The following LMX1B variants were observed in gnomAD, a reference collection of about 807,000 sequenced individuals.
The protein encoded by LMX1B is LIM homeobox transcription factor 1-beta.
A neutral mutation model predicts 51.4 loss-of-function variants in LMX1B; 12 were observed. The observed-to-expected ratio is 0.23, with a 90% CI of 0.15 to 0.38. The LOEUF is 0.38. Among genes scored for constraint, LMX1B ranks in the 10% least tolerant of loss-of-function variants. The pLI is 1.00. For missense variants in LMX1B, 445 were observed against 571.1 expected (o/e 0.78, Z 2.25); for synonymous variants, 237 against 235.4 (o/e 1.01, Z -0.06).
At chr9:126,655,876 C>T (rs960334585) in intron 2 of LMX1B, among the ~76,000 whole-genome samples, 2 of 152,186 alleles carry the variant, frequency 1.3e-5, no homozygotes, top group African/African-American at 2.4e-5. Flanking sequence ...GATGTCAGGT[C>T]GTCTTTTCGT....
chr9:126,665,700 C>T (rs1189103259), intron 2 of LMX1B, among the ~76,000 whole-genome samples: 1 of 152,244 alleles, frequency 6.6e-6, no homozygotes, highest in East Asian at 1.9e-4. Flanking sequence ...ACCCGCTTCA[C>T]CAGCCGTGGA....
At chr9:126,662,198 T>C (rs1836260296) in intron 2 of LMX1B, among the ~76,000 whole-genome samples, 3 of 152,210 alleles carry the variant, frequency 2.0e-5, no homozygotes, top group African/African-American at 7.2e-5. Context: ...AGGTTTCTCG[T>C]CTGTACAAAT....
intron 2 of LMX1B, among the ~76,000 whole-genome samples, chr9:126,665,275 C>T (rs1836320572): frequency 6.6e-6 from 1 of 152,200 alleles, no homozygotes; most frequent in Non-Finnish European, 1.5e-5. Flanking sequence ...TGCAGCCTGG[C>T]ACGGCCATTG....
rs150884406 is a variant in LMX1B, at chr9:126,643,484, G to A, written c.326+27915G>A. On this transcript the variant is annotated intron_variant, in intron 2 of 7. Transcript: ENST00000373474. The stretch of plus-strand genomic sequence containing the variant: ...AACCTCCGTTGCCTCCTCTCTAACT[G>A]GGGAGCACAATCTGTACTCCCCTAG... Among the ~76,000 whole-genome samples the A allele has an allele frequency of 3.5e-3, 526 of 152,218 alleles. 4 individuals carry two copies. Among genetic ancestry groups the A allele is most frequent in the African/African-American group, 0.011 (468 of 41,530 alleles).
At chr9:126,681,084 C>T (rs550290413) in intron 2 of LMX1B, among the ~76,000 whole-genome samples, 5 of 152,266 alleles carry the variant, frequency 3.3e-5, no homozygotes, top group Non-Finnish European at 2.9e-5. Flanking sequence ...GAAGTCAGAG[C>T]CCCAAAGGTG....
chr9:126,634,469 T>TGCCCTCG (rs1835680261), intron 2 of LMX1B, among the ~76,000 whole-genome samples: 1 of 152,122 alleles, frequency 6.6e-6, no homozygotes, highest in African/African-American at 2.4e-5. Flanking sequence ...GCCACCATGG[T>TGCCCTCG]GCTGAACAGG....
intron 2 of LMX1B, among the ~76,000 whole-genome samples, chr9:126,638,681 G>A (rs1047882874): frequency 6.6e-5 from 10 of 152,216 alleles, no homozygotes; most frequent in Non-Finnish European, 1.3e-4. Flanking sequence ...GGGGCGCGTG[G>A]CGCAGCGGCG....
chr9:126,696,366 C>G lies in LMX1B; in HGVS notation c.1124C>G (p.Ser375Cys), dbSNP rs746457595. 6.2e-7 allele frequency: 1 copy of G among 1,614,126 alleles called. No individual in the cohort carries two copies. Among genetic ancestry groups the G allele is most frequent in the South Asian group, 1.1e-5 (1 of 91,086 alleles). ...LTSLSDCFLG[S>C]SDVGSLQARV... The stretch of plus-strand genomic sequence containing the variant: ...AGCCTCAGCGACTGCTTCCTCGGCT[C>G]CTCAGACGTGGGCTCCCTGCAGGCC... Residue 375 changes from serine to cysteine, a missense_variant, in exon 8 of 8, where the codon TCC (serine) becomes TGC (cysteine). Transcript: ENST00000373474.
chr9:126,692,698 T>C (rs775032575), intron 3 of LMX1B, among the ~76,000 whole-genome samples: 5 of 152,370 alleles, frequency 3.3e-5, no homozygotes, highest in Middle Eastern at 3.4e-3. Flanking sequence ...GGTGTGTGTC[T>C]TTGCTTGCAC....
chr9:126,684,446 A>G (rs1258501970), intron 2 of LMX1B, among the ~76,000 whole-genome samples: 1 of 152,182 alleles, frequency 6.6e-6, no homozygotes, highest in Non-Finnish European at 1.5e-5. Flanking sequence ...ACTGGTTAAA[A>G]TCACCAGATT....
Position 126,698,757 on chromosome 9 carries a change from G to A in LMX1B, c.*2306G>A, listed in dbSNP as rs1412241167. The A allele has an allele frequency of 6.6e-6, 1 of 152,460 alleles. No individual in the cohort carries two copies. The highest frequency in any genetic ancestry group is 2.4e-5 in the African/African-American group (1 of 41,436). The allele number at this position is 152,460 out of a possible 1,614,324, so 9.4% of individuals were successfully genotyped here. A position where few individuals can be genotyped will look rare whatever the true frequency, so the allele number is the denominator to read the frequency against. ...TTGGGGCCCTCTGCCTGGATCTCTGGAATCCTCTAAGTTCAACCTGTTCTG... is the reference window on the plus strand; with the variant it reads ...TTGGGGCCCTCTGCCTGGATCTCTGAAATCCTCTAAGTTCAACCTGTTCTG... On this transcript the variant is annotated 3_prime_UTR_variant, in exon 8 of 8. Transcript: ENST00000373474.
chr9:126,660,592 G>C (rs1384812159), intron 2 of LMX1B, among the ~76,000 whole-genome samples: 1 of 152,180 alleles, frequency 6.6e-6, no homozygotes, highest in Non-Finnish European at 1.5e-5. Context: ...ACCTCCACTG[G>C]TCACTGTGAG....
Position 126,693,148 on chromosome 9 carries a change from G to A in LMX1B, c.566G>A (p.Ser189Asn), listed in dbSNP as rs1485461118. 1 of 1,576,100 alleles carries A rather than the reference G, an allele frequency of 6.3e-7. No individual in the cohort carries two copies. The highest frequency in any genetic ancestry group is 1.2e-5 in the South Asian group (1 of 85,996). The change falls in exon 4 of 8, where the codon AGC becomes AAC. Residue 189 changes from serine to asparagine, a missense_variant. Ser to Asn is a conservative substitution (Grantham distance 46). This residue lies in a region of LMX1B where 273 missense variants were observed against 343.3 expected (regional missense o/e 0.80). Coordinates refer to ENST00000373474, the MANE Select transcript of LMX1B (RefSeq NM_001174147.2). ...VSPDESDSVK[S>N]EDEDGDMKPA... ...CGGGTTGTGTCCCCCACAGTGAAGA[G>A]CGAGGATGAAGATGGGGACATGAAG...
chr9:126,684,858 G>A (rs900174813), intron 2 of LMX1B, among the ~76,000 whole-genome samples: 3 of 152,150 alleles, frequency 2.0e-5, no homozygotes, highest in Non-Finnish European at 2.9e-5. Flanking sequence ...TCAACAAACC[G>A]GACCCAAGTT....
chr9:126,657,912 C>A (rs1836150865), intron 2 of LMX1B, among the ~76,000 whole-genome samples: 1 of 152,124 alleles, frequency 6.6e-6, no homozygotes, highest in African/African-American at 2.4e-5. Flanking sequence ...TGGCACAGTC[C>A]TTTGTCTGGC....
intron 2 of LMX1B, among the ~76,000 whole-genome samples, chr9:126,619,763 C>T (rs1024186113): frequency 1.3e-5 from 2 of 152,152 alleles, no homozygotes; most frequent in East Asian, 1.9e-4. Flanking sequence ...GGCTCACCCT[C>T]GACTCCCCGG....
At chr9:126,652,023 G>C (rs1301111268) in intron 2 of LMX1B, among the ~76,000 whole-genome samples, 1 of 150,310 alleles carries the variant, frequency 6.7e-6, no homozygotes, top group Non-Finnish European at 1.5e-5. Context: ...GCCTGCGGTG[G>C]GATACTCCAA....
At chr9:126,646,423 T>TCCAG (rs1835903247) in intron 2 of LMX1B, among the ~76,000 whole-genome samples, 1 of 151,848 alleles carries the variant, frequency 6.6e-6, no homozygotes, top group East Asian at 1.9e-4. Flanking sequence ...CATCCATCCA[T>TCCAG]CCAGCCCTCC....
rs774854659 is a variant in LMX1B at position 126,614,421 on chromosome 9, G to C, written c.-29G>C. 17 of 1,444,070 alleles carry C rather than the reference G, an allele frequency of 1.2e-5. No individual in the cohort carries two copies. The South Asian group carries it at 2.3e-4, about 19-fold the overall frequency. The allele number at this position is 1,444,070 out of a possible 1,614,324, so 89.5% of individuals were successfully genotyped here. A position where few individuals can be genotyped will look rare whatever the true frequency, so the allele number is the denominator to read the frequency against. On this transcript the variant is annotated 5_prime_UTR_variant, in exon 1 of 8. Coordinates refer to ENST00000373474, the MANE Select transcript of LMX1B (RefSeq NM_001174147.2). ...GGGCCGGCGGGCGAGCAGCCCGGCC[G>C]GCGGGGTCCGCAGCGCGCCCCGCGT... is the stretch of plus-strand genomic sequence containing the variant.
Sources: allele counts gnomAD v4.1 joint callset (sites outside exome capture counted in the v4.1 genomes callset), GRCh38; gene constraint gnomAD v4.1.1; regional missense constraint gnomAD v4.1.1; transcripts MANE v1.5; gene names NCBI Gene and HGNC (gene_info 2026-07-23, HGNC 2026-07-21).